The following PIEZO2 variants were observed in gnomAD, a reference collection of about 807,000 sequenced individuals.
PIEZO2 encodes the protein piezo-type mechanosensitive ion channel component 2.
In PIEZO2, 172 loss-of-function variants were observed where a neutral mutation model predicts 337.3. The ratio of observed to expected loss-of-function variants is 0.51; its 90% confidence interval spans 0.45 to 0.58. The LOEUF (loss-of-function observed/expected upper bound fraction) is 0.58. PIEZO2 is among the 20% of genes least tolerant of loss of function. PIEZO2 has a pLI of 0.00. For synonymous variants in PIEZO2, 1,251 were observed against 1,228.5 expected (o/e 1.02, Z -0.38); for missense variants, 3,028 against 3,391.3 (o/e 0.89, Z 2.66).
rs7236576 is a variant in PIEZO2, at chr18:10,795,059, C to T, written c.1528-57G>A. 1.9e-4 allele frequency: 262 copies of T among 1,383,222 alleles called. No homozygotes were observed. The African/African-American group carries it at 3.1e-3, about 16-fold the overall frequency. 85.7% of individuals were successfully genotyped at this position (1,383,222 alleles called of 1,614,324 possible). On this transcript the variant is annotated intron_variant, in intron 12 of 55. Coordinates refer to ENST00000674853, the MANE Select transcript of PIEZO2 (RefSeq NM_001378183.1). The surrounding 1 kb of genome is among the most constrained non-coding windows in gnomAD (Gnocchi z 4.4). ...GGTCAATACAATGCTCAGTCCCCCC[C>T]GCCCTGGTAAGGTAAAAACTATCTA...
At chr18:10,691,787 A>ATATATATATATATATATATATATATC (rs1491007716) in intron 47 of PIEZO2, among the ~76,000 whole-genome samples, 20 of 49,076 alleles carry the variant, frequency 4.1e-4, no homozygotes, top group Admixed American at 1.7e-3. Context: ...ACACACATAT[A>ATATATATATATATATATATATATATC]TATATATATA....
At chr18:11,023,980 C>G (rs1196796115) in intron 2 of PIEZO2, among the ~76,000 whole-genome samples, 1 of 152,206 alleles carries the variant, frequency 6.6e-6, no homozygotes, top group Non-Finnish European at 1.5e-5. Flanking sequence ...GTAACTCCAG[C>G]TGGCCCGCAA....
intron 3 of PIEZO2, among the ~76,000 whole-genome samples, chr18:10,916,474 G>C (rs1456210840): frequency 6.6e-6 from 1 of 152,164 alleles, no homozygotes; most frequent in Non-Finnish European, 1.5e-5. Flanking sequence ...CATGGCGCTG[G>C]CGGCCCAGGA....
At chr18:10,809,487 C>T (rs1186068856) in intron 7 of PIEZO2, among the ~76,000 whole-genome samples, 2 of 151,596 alleles carry the variant, frequency 1.3e-5, no homozygotes, top group Non-Finnish European at 2.9e-5. Context: ...CCAGGATGGT[C>T]TTGATCTCTT....
In PIEZO2 at chr18:10,812,006, T is replaced by A. The variant is rs1044295986; in HGVS notation, c.918-4732A>T. ...CCGCCACCACGCCCGGCTAACTTTT[T>A]GTATTTTTAGTAGAGACGGGGTTTC... On this transcript the variant is annotated intron_variant, in intron 7 of 55. Transcript: ENST00000674853. Among the ~76,000 whole-genome samples, 3 of 152,326 alleles carry A rather than the reference T, an allele frequency of 2.0e-5. 1 individual carries two copies. Among genetic ancestry groups the A allele is most frequent in the Middle Eastern group, 6.8e-3 (2 of 294 alleles).
At chr18:10,695,472 A>C (rs568385068) in intron 47 of PIEZO2, among the ~76,000 whole-genome samples, 2 of 152,304 alleles carry the variant, frequency 1.3e-5, no homozygotes, top group Admixed American at 1.3e-4. Context: ...GACCAGCAGC[A>C]CTAGTTGTAT....
In PIEZO2 at chr18:10,888,914, GT is replaced by G. The variant is rs2042682056; in HGVS notation, c.330-17500del. 6.6e-6 allele frequency among the ~76,000 whole-genome samples: 1 copy of G among 151,442 alleles called. No individual in the cohort carries two copies. The highest frequency in any genetic ancestry group is 1.5e-5 in the Non-Finnish European group (1 of 67,946). On this transcript the variant is annotated intron_variant, in intron 4 of 55. Transcript: ENST00000674853. The surrounding 1 kb of genome is among the most constrained non-coding windows in gnomAD (Gnocchi z 4.1). ...GCAACCCCTCTCCCTCAACAACCCA[GT>G]TTTTCAGAAACCTAGCATGCTGCTA...
chr18:10,908,866 G>C (rs781087152), intron 4 of PIEZO2: 1 of 152,178 alleles, frequency 6.6e-6, no homozygotes, highest in African/African-American at 2.4e-5. Flanking sequence ...AACTGTGCGG[G>C]ATGCTGCGTG....
chr18:10,718,920 T>A (rs1053700938), intron 36 of PIEZO2, among the ~76,000 whole-genome samples: 1 of 151,654 alleles, frequency 6.6e-6, no homozygotes, highest in Non-Finnish European at 1.5e-5. Context: ...TGCTTGAACC[T>A]GGGAGCCGTG....
chr18:10,902,202 C>T (rs574536682), intron 4 of PIEZO2, among the ~76,000 whole-genome samples: 2 of 152,330 alleles, frequency 1.3e-5, no homozygotes, highest in Admixed American at 1.3e-4. Context: ...CATCCCTACC[C>T]CTACCCCCAT....
intron 36 of PIEZO2, among the ~76,000 whole-genome samples, chr18:10,720,098 A>C (rs1019219927): frequency 1.6e-5 from 2 of 126,162 alleles, no homozygotes; most frequent in Non-Finnish European, 3.4e-5. Context: ...CATATTTTTA[A>C]AGTATAAGTA....
intron 24 of PIEZO2, among the ~76,000 whole-genome samples, chr18:10,760,249 C>T (rs963475309): frequency 4.3e-4 from 65 of 152,168 alleles, no homozygotes; most frequent in African/African-American, 1.3e-3. Flanking sequence ...TAAAACAGTT[C>T]ATTTTGGCTG....
At chr18:10,756,188 C>A (rs2037837645) in intron 27 of PIEZO2, among the ~76,000 whole-genome samples, 1 of 119,976 alleles carries the variant, frequency 8.3e-6, no homozygotes, top group Non-Finnish European at 1.8e-5. Flanking sequence ...GAGGATGAGG[C>A]AGAGGCAAAG....
At chr18:10,719,700 CT>C (rs569101205) in intron 36 of PIEZO2, among the ~76,000 whole-genome samples, 2 of 152,104 alleles carry the variant, frequency 1.3e-5, no homozygotes, top group Non-Finnish European at 2.9e-5. Flanking sequence ...ATTTTCTTCC[CT>C]TTGAATATAT....
chr18:10,762,433 T>C (rs2038173612), intron 23 of PIEZO2, 67 bp downstream of exon 23: 1 of 1,497,322 alleles, frequency 6.7e-7, no homozygotes, highest in Non-Finnish European at 8.9e-7. Context: ...AAGCGTCTCA[T>C]GGAAAAGAAT....
intron 2 of PIEZO2, among the ~76,000 whole-genome samples, chr18:10,997,498 G>C (rs187032659): frequency 9.7e-4 from 148 of 152,132 alleles, no homozygotes; most frequent in Non-Finnish European, 1.7e-3. Flanking sequence ...TTATAACCAG[G>C]CTCCATGATG....
Position 10,943,168 on chromosome 18 carries a change from C to A in PIEZO2, c.287-31940G>T, listed in dbSNP as rs1367995275. On this transcript the variant is annotated intron_variant, in intron 3 of 55. Coordinates refer to ENST00000674853, the MANE Select transcript of PIEZO2 (RefSeq NM_001378183.1). The surrounding 1 kb of genome is among the most constrained non-coding windows in gnomAD (Gnocchi z 4.5). ...AGGAAGGGAAATGTGGAGTCAGAGC[C>A]ATGACGCACAGTCCCTACTGGGGCA... is the stretch of plus-strand genomic sequence containing the variant. Among the ~76,000 whole-genome samples the A allele has an allele frequency of 1.3e-5, 2 of 152,200 alleles. No individual in the cohort carries two copies. The highest frequency in any genetic ancestry group is 1.9e-4 in the East Asian group (1 of 5,184).
intron 3 of PIEZO2, among the ~76,000 whole-genome samples, chr18:10,977,001 A>ATG (rs59666101): frequency 0.039 from 5,497 of 142,628 alleles, 135 homozygotes; most frequent in African/African-American, 0.073. Flanking sequence ...AAGAACAAAT[A>ATG]TGTGTGTGTG....
intron 2 of PIEZO2, among the ~76,000 whole-genome samples, chr18:11,052,580 G>A (rs1391917587): frequency 6.6e-6 from 1 of 152,122 alleles, no homozygotes; most frequent in Non-Finnish European, 1.5e-5. Context: ...CTGGAGTAAG[G>A]AGGTGGCTTT....
Sources: allele counts gnomAD v4.1 joint callset (sites outside exome capture counted in the v4.1 genomes callset), GRCh38; gene constraint gnomAD v4.1.1; non-coding constraint Gnocchi (gnomAD v3.1); transcripts MANE v1.5; gene names NCBI Gene and HGNC (gene_info 2026-07-23, HGNC 2026-07-21).